Variants in ARHGAP42 observed in about 807,000 individuals in gnomAD.
ARHGAP42 encodes the protein Rho GTPase activating protein 42.
A neutral mutation model predicts 125.0 loss-of-function variants in ARHGAP42; 63 were observed. That is an observed-to-expected ratio of 0.50 (90% CI 0.41 to 0.62). The LOEUF (loss-of-function observed/expected upper bound fraction) is 0.62. Among genes scored for constraint, ARHGAP42 ranks in the 20% least tolerant of loss-of-function variants. The pLI is 0.00. For synonymous variants in ARHGAP42, 339 were observed against 351.0 expected (o/e 0.97, Z 0.38); for missense variants, 766 against 1,024.2 (o/e 0.75, Z 3.44).
chr11:100,708,045 A>T (rs1052995347), intron 1 of ARHGAP42, among the ~76,000 whole-genome samples: 2 of 152,222 alleles, frequency 1.3e-5, no homozygotes, highest in Non-Finnish European at 2.9e-5. Flanking sequence ...ACTGTTGTAG[A>T]TATGGAGATT....
chr11:100,967,130 A>C (rs541563678), intron 17 of ARHGAP42, among the ~76,000 whole-genome samples: 2 of 152,054 alleles, frequency 1.3e-5, no homozygotes, highest in South Asian at 4.1e-4. Flanking sequence ...AGCTAATAAC[A>C]CTCTTGATCC....
At chr11:100,900,916 C>T (rs1591280357) in intron 4 of ARHGAP42, among the ~76,000 whole-genome samples, 1 of 152,248 alleles carries the variant, frequency 6.6e-6, no homozygotes, top group East Asian at 1.9e-4. Context: ...ATTCTCTGTC[C>T]AGCTTTGTTC....
intron 1 of ARHGAP42, among the ~76,000 whole-genome samples, chr11:100,758,379 A>G (rs190590425): frequency 1.3e-5 from 2 of 152,324 alleles, no homozygotes; most frequent in East Asian, 1.9e-4. Flanking sequence ...GAGGCAATAT[A>G]TGTATTGCAT....
intron 3 of ARHGAP42, among the ~76,000 whole-genome samples, chr11:100,855,119 G>A (rs1200988602): frequency 6.6e-6 from 1 of 152,058 alleles, no homozygotes; most frequent in Admixed American, 6.6e-5. Flanking sequence ...GCGTATTATA[G>A]CCTTAAGCAA....
rs192645010 is a variant in ARHGAP42, at chr11:100,747,701, G to A, written c.155-22642G>A. Reference sequence around the variant, plus strand: ...CATTCTTTTTCCTCCTTATAATCCCGTTTACCAAAAGTGTATTTTACTTTC... The same window carrying A: ...CATTCTTTTTCCTCCTTATAATCCCATTTACCAAAAGTGTATTTTACTTTC... On this transcript the variant is annotated intron_variant, in intron 1 of 23. Coordinates refer to ENST00000298815, the MANE Select transcript of ARHGAP42 (RefSeq NM_152432.4). 7.8e-4 allele frequency among the ~76,000 whole-genome samples: 118 copies of A among 151,786 alleles called. 1 individual carries two copies. Among genetic ancestry groups the A allele is most frequent in the Middle Eastern group, 6.8e-3 (2 of 292 alleles).
In ARHGAP42 at chr11:100,763,406, C is replaced by T. The variant is rs544293592; in HGVS notation, c.155-6937C>T. On this transcript the variant is annotated intron_variant, in intron 1 of 23. Coordinates refer to ENST00000298815, the MANE Select transcript of ARHGAP42 (RefSeq NM_152432.4). ...GCAAAAACAGATGAATATATACCTA[C>T]CTTCAAGAAGCCTAAAACCTAAGAT... 2.6e-5 allele frequency among the ~76,000 whole-genome samples: 4 copies of T among 152,290 alleles called. No individual in the cohort carries two copies. The East Asian group carries it at 5.8e-4, about 22-fold the overall frequency.
intron 21 of ARHGAP42, among the ~76,000 whole-genome samples, chr11:100,977,517 G>C (rs1414004069): frequency 1.3e-5 from 2 of 152,194 alleles, no homozygotes; most frequent in Admixed American, 1.3e-4. Context: ...AGGCTGGTAG[G>C]AGAAGGGTAC....
chr11:100,702,758 G>GCCTC (rs2120209227), intron 1 of ARHGAP42, among the ~76,000 whole-genome samples: 1 of 149,914 alleles, frequency 6.7e-6, no homozygotes, highest in South Asian at 2.1e-4. Context: ...TGCAAGCTCT[G>GCCTC]CCTCCCAGGT....
chr11:100,784,183 G>A (rs866261515), intron 2 of ARHGAP42, among the ~76,000 whole-genome samples: 1 of 152,170 alleles, frequency 6.6e-6, no homozygotes, highest in Non-Finnish European at 1.5e-5. Context: ...GGAATGTATA[G>A]TAGTTTCTAA....
intron 1 of ARHGAP42, among the ~76,000 whole-genome samples, chr11:100,706,588 A>G (rs1402499450): frequency 2.0e-5 from 3 of 152,244 alleles, no homozygotes; most frequent in Non-Finnish European, 4.4e-5. Context: ...TGACAATTAT[A>G]TATAGTAACT....
chr11:100,942,895 A>G (rs1304823843), intron 9 of ARHGAP42, among the ~76,000 whole-genome samples: 4 of 152,140 alleles, frequency 2.6e-5, no homozygotes, highest in African/African-American at 9.7e-5. Flanking sequence ...TGTAAATCCA[A>G]CTTATGTGAC....
At chr11:100,926,094 G>A (rs1223394014) in intron 6 of ARHGAP42, among the ~76,000 whole-genome samples, 6 of 152,108 alleles carry the variant, frequency 3.9e-5, no homozygotes, top group South Asian at 2.1e-4. Context: ...CTTAGAAAAC[G>A]GAATCTTGTT....
chr11:100,914,051 C>T (rs1351241233), intron 5 of ARHGAP42, among the ~76,000 whole-genome samples: 1 of 152,094 alleles, frequency 6.6e-6, no homozygotes, highest in African/African-American at 2.4e-5. Context: ...TCTTGTGCTG[C>T]AGCCTTCTGA....
intron 4 of ARHGAP42, among the ~76,000 whole-genome samples, chr11:100,897,357 T>A (rs1196476327): frequency 1.3e-5 from 2 of 152,192 alleles, no homozygotes; most frequent in African/African-American, 4.8e-5. Context: ...TTTAAAGTAG[T>A]TTTTTCCAAT....
intron 5 of ARHGAP42, among the ~76,000 whole-genome samples, chr11:100,914,135 A>C (rs1013282147): frequency 6.6e-6 from 1 of 152,034 alleles, no homozygotes; most frequent in Non-Finnish European, 1.5e-5. Flanking sequence ...GGGTTTCACC[A>C]TGTTAGTCAG....
chr11:100,882,408 A>C (rs1375037060), intron 4 of ARHGAP42, among the ~76,000 whole-genome samples: 2 of 151,442 alleles, frequency 1.3e-5, no homozygotes, highest in African/African-American at 4.8e-5. Flanking sequence ...TTGACTTGTG[A>C]ATGTTAAACC....
chr11:100,789,994 A>G (rs899320574), intron 2 of ARHGAP42, among the ~76,000 whole-genome samples: 3 of 152,198 alleles, frequency 2.0e-5, no homozygotes, highest in African/African-American at 7.2e-5. Flanking sequence ...TAAAATATGT[A>G]AAGCCCAAAC....
intron 1 of ARHGAP42, among the ~76,000 whole-genome samples, chr11:100,715,988 C>T (rs537385596): frequency 6.6e-6 from 1 of 152,292 alleles, no homozygotes; most frequent in East Asian, 1.9e-4. Context: ...GGAAGACAGT[C>T]TGGCAGTACA....
chr11:100,901,537 A>T (rs2135210311), intron 4 of ARHGAP42, among the ~76,000 whole-genome samples: 1 of 152,322 alleles, frequency 6.6e-6, no homozygotes, highest in Non-Finnish European at 1.5e-5. Flanking sequence ...CTATGGAGGC[A>T]GTAGACCTTG....
Sources: allele counts gnomAD v4.1 joint callset (sites outside exome capture counted in the v4.1 genomes callset), GRCh38; gene constraint gnomAD v4.1.1; transcripts MANE v1.5; gene names NCBI Gene and HGNC (gene_info 2026-07-23, HGNC 2026-07-21).